Variants in SLF1 observed in about 807,000 individuals in gnomAD.
SLF1 encodes the protein SMC5-SMC6 complex localization factor protein 1.
A neutral mutation model predicts 123.0 loss-of-function variants in SLF1; 105 were observed. The observed-to-expected ratio is 0.85, with a 90% CI of 0.73 to 1.00. The LOEUF (loss-of-function observed/expected upper bound fraction) is 1.00. Ranked by LOEUF, SLF1 falls within the 50% of genes least tolerant of loss-of-function variation. The probability of loss-of-function intolerance (pLI) is 0.00; values close to 1 mark genes in which losing one functional copy is unlikely to be tolerated. For missense variants in SLF1, 1,239 were observed against 1,223.0 expected (o/e 1.01, Z -0.20); for synonymous variants, 434 against 406.6 (o/e 1.07, Z -0.81).
At chr5:94,633,586 G>T (rs1745439867) in intron 4 of SLF1, among the ~76,000 whole-genome samples, 1 of 152,116 alleles carries the variant, frequency 6.6e-6, no homozygotes, top group African/African-American at 2.4e-5. Context: ...AGCCAGAAAA[G>T]AAATGAAGCA....
At chr5:94,681,432 A>G (rs1185490812) in intron 15 of SLF1, among the ~76,000 whole-genome samples, 2 of 152,188 alleles carry the variant, frequency 1.3e-5, no homozygotes, top group Non-Finnish European at 2.9e-5. Context: ...CGCCCAGCCA[A>G]AAGTTTTAAA....
intron 15 of SLF1, among the ~76,000 whole-genome samples, chr5:94,684,229 T>C (rs918854553): frequency 1.4e-4 from 22 of 152,220 alleles, no homozygotes; most frequent in African/African-American, 4.8e-4. Context: ...TGCAGTACAC[T>C]CTGTGATGAT....
At chr5:94,659,920 G>A (rs553747039) in intron 9 of SLF1, among the ~76,000 whole-genome samples, 69 of 152,202 alleles carry the variant, frequency 4.5e-4, no homozygotes, top group African/African-American at 1.6e-3. Flanking sequence ...GCCAATCCTC[G>A]GGCCCCCAAG....
At chr5:94,673,594 C>G (rs1281047624) in intron 14 of SLF1, among the ~76,000 whole-genome samples, 1 of 151,238 alleles carries the variant, frequency 6.6e-6, no homozygotes, top group African/African-American at 2.4e-5. Flanking sequence ...AGAGGCTGCC[C>G]TGGGAGGATT....
chr5:94,650,627 G>A (rs1747596327), intron 6 of SLF1, among the ~76,000 whole-genome samples: 1 of 152,152 alleles, frequency 6.6e-6, no homozygotes, highest in Non-Finnish European at 1.5e-5. Flanking sequence ...GCCTCCCAAA[G>A]TGCTGGGATT....
At chr5:94,642,495 G>T (rs1296990991) in intron 4 of SLF1, among the ~76,000 whole-genome samples, 1 of 152,136 alleles carries the variant, frequency 6.6e-6, no homozygotes, top group African/African-American at 2.4e-5. Flanking sequence ...AAATAGTTTG[G>T]TTGTCCAGTC....
chr5:94,621,905 C>T (rs376418452), intron 1 of SLF1, among the ~76,000 whole-genome samples: 2 of 148,030 alleles, frequency 1.4e-5, no homozygotes, highest in African/African-American at 2.5e-5. Context: ...CACACACACA[C>T]ATACACACGT....
chr5:94,650,542 T>C (rs1045624000), intron 6 of SLF1, among the ~76,000 whole-genome samples: 1 of 152,004 alleles, frequency 6.6e-6, no homozygotes, highest in Admixed American at 6.6e-5. Flanking sequence ...TTTTGTATTT[T>C]CTTAGTAGAG....
chr5:94,654,570 A>G lies in SLF1; in HGVS notation c.1033-60A>G, dbSNP rs893612726. 15 of 1,353,330 alleles carry G rather than the reference A, an allele frequency of 1.1e-5. No homozygotes were observed. The East Asian group carries it at 4.2e-4, about 37-fold the overall frequency. 83.8% of individuals were successfully genotyped at this position (1,353,330 alleles called of 1,614,324 possible). On this transcript the variant is annotated intron_variant, in intron 8 of 20. Transcript: ENST00000265140. ...CTCTTATATTGTCCTTTGTGATATC[A>G]TCTGTGTTGACACTGTCTTTAGTAC...
At chr5:94,640,664 C>T (rs574158793) in intron 4 of SLF1, among the ~76,000 whole-genome samples, 1 of 151,584 alleles carries the variant, frequency 6.6e-6, no homozygotes, top group South Asian at 2.1e-4. Flanking sequence ...ATGCTTTGTT[C>T]TTTTTTTAAA....
At position 94,654,704 on chromosome 5, in the gene SLF1, T is replaced by G; in HGVS notation, c.1107T>G (p.Asp369Glu). The G allele has an allele frequency of 6.5e-7, 1 of 1,544,438 alleles. No homozygotes were observed. Among genetic ancestry groups the G allele is most frequent in the Non-Finnish European group, 8.7e-7 (1 of 1,143,304 alleles). Residue 369 changes from aspartate (D) to glutamate (E), a missense_variant, in exon 9 of 21, where the codon GAT becomes GAG. By Grantham distance (45) the Asp-to-Glu change is conservative. Transcript: ENST00000265140. ...CCATGGCTATTAAGACAGATGTGGA[T>G]GTTGTTGAAATAAAAAATACCTTAA... is the stretch of plus-strand genomic sequence containing the variant. The part of the protein sequence containing the change: ...SKAMAIKTDV[D>E]VVEIKNTLRK...
intron 14 of SLF1, among the ~76,000 whole-genome samples, chr5:94,677,310 C>T (rs994397870): frequency 5.3e-5 from 8 of 151,944 alleles, no homozygotes; most frequent in Non-Finnish European, 1.2e-4. Context: ...TGTTACTTGT[C>T]GTCTAGGCTT....
At chr5:94,629,607 A>G (rs889276254) in intron 3 of SLF1, 4 of 153,022 alleles carry the variant, frequency 2.6e-5, no homozygotes, top group African/African-American at 9.6e-5. Context: ...AAGATATTAA[A>G]TACTATAGAC....
Position 94,649,597 on chromosome 5 carries a change from G to A in SLF1, c.738G>A (p.Gln246=). The A allele has an allele frequency of 6.8e-7, 1 of 1,464,136 alleles. No homozygotes were observed. Among genetic ancestry groups the A allele is most frequent in the Non-Finnish European group, 9.2e-7 (1 of 1,091,428 alleles). The allele number at this position is 1,464,136 out of a possible 1,614,324, so 90.7% of individuals were successfully genotyped here. A position where few individuals can be genotyped will look rare whatever the true frequency, so the allele number is the denominator to read the frequency against. The change falls in exon 6 of 21, where the codon CAG becomes CAA. Residue 246 remains glutamine, a splice_region_variant and synonymous_variant. Coordinates refer to ENST00000265140, the MANE Select transcript of SLF1 (RefSeq NM_032290.4). ...GALRETMYRT[Q]KEMQNHEDVN... is the part of the protein sequence containing the mutation. ...TAAGAGAGACCATGTATAGAACCCA[G>A]GTAAACTTTATAGGCTGAAAAACAT... is the stretch of plus-strand genomic sequence containing the variant.
At chr5:94,690,225 T>C (rs1466622907) in intron 18 of SLF1, among the ~76,000 whole-genome samples, 1 of 152,186 alleles carries the variant, frequency 6.6e-6, no homozygotes, top group Non-Finnish European at 1.5e-5. Flanking sequence ...CAGAAGTCTA[T>C]ACCTGGCCAA....
chr5:94,658,569 C>CTT (rs1291824374), intron 9 of SLF1, among the ~76,000 whole-genome samples: 1 of 151,946 alleles, frequency 6.6e-6, no homozygotes, highest in Non-Finnish European at 1.5e-5. Context: ...TGACTTTATG[C>CTT]TTTTTCTCTT....
At chr5:94,658,699 C>T (rs184391016) in intron 9 of SLF1, among the ~76,000 whole-genome samples, 5 of 152,270 alleles carry the variant, frequency 3.3e-5, no homozygotes, top group Admixed American at 6.5e-5. Context: ...GGGACGTTTT[C>T]AGCTATTGTT....
chr5:94,680,216 T>C (rs180879349), intron 15 of SLF1, among the ~76,000 whole-genome samples: 35 of 152,356 alleles, frequency 2.3e-4, no homozygotes, highest in Non-Finnish European at 4.9e-4. Context: ...TCAGGATTTA[T>C]TCGATGATGC....
At chr5:94,650,174 C>T (rs1245440503) in intron 6 of SLF1, among the ~76,000 whole-genome samples, 1 of 151,996 alleles carries the variant, frequency 6.6e-6, no homozygotes, top group African/African-American at 2.4e-5. Flanking sequence ...AGCTAATGTT[C>T]AGTTATGTTC....
Sources: gnomAD v4.1 joint callset for allele counts (sites outside exome capture counted in the v4.1 genomes callset) on GRCh38, gnomAD v4.1.1 for gene constraint, MANE v1.5 for transcripts, NCBI Gene and HGNC (gene_info 2026-07-23, HGNC 2026-07-21) for gene names.